ABCA7: variants seen among roughly 807,000 people sequenced by gnomAD.
The protein encoded by ABCA7 is phospholipid-transporting ATPase ABCA7.
Under a neutral mutation model 227.6 loss-of-function variants are expected in ABCA7, and 261 were observed. The observed-to-expected ratio is 1.15, with a 90% CI of 1.04 to 1.27. ABCA7 has a LOEUF of 1.27. ABCA7 is among the 50% of genes most tolerant of loss of function. The pLI, the probability that ABCA7 is intolerant of heterozygous loss-of-function variation, is 0.00. For synonymous variants in ABCA7, 1,488 were observed against 1,279.7 expected, an observed-to-expected ratio of 1.16 and a Z score of -3.47; for missense variants, 3,331 against 2,924.5, an observed-to-expected ratio of 1.14 and a Z score of -3.21.
At chr19:1,064,742 A>C in intron 45 of ABCA7, 189 bp from the exon 46 acceptor site, 1 of 909,166 alleles carries the variant, frequency 1.1e-6, no homozygotes, top group Non-Finnish European at 1.5e-6. Flanking sequence ...TTAGCTGGAC[A>C]TGGTGGTGTG....
intron 18 of ABCA7, among the ~76,000 whole-genome samples, chr19:1,049,991 C>CCCTCCCTGTGAGCCCCCCACCACTT (rs1344245985): frequency 6.2e-4 from 82 of 133,120 alleles, no homozygotes; most frequent in African/African-American, 1.8e-3. Context: ...CCAAACCACT[C>CCCTCCCTGTGAGCCCCCCACCACTT]CCTCCCTGTG....
At chr19:1,053,601 G>A (rs1169812324) in intron 24 of ABCA7, 70 bp downstream of exon 24, 2 of 1,530,830 alleles carry the variant, frequency 1.3e-6, no homozygotes, top group Non-Finnish European at 1.8e-6. Context: ...TGTTTTGAAG[G>A]ATGAATAGCG....
Position 1,041,434 on chromosome 19 carries a change from C to T in ABCA7, c.66+7C>T, listed in dbSNP as rs1273646677. On this transcript the variant is annotated splice_region_variant and intron_variant, in intron 2 of 46. Coordinates refer to ENST00000263094, the MANE Select transcript of ABCA7 (RefSeq NM_019112.4). ...GTATCGCCGGAGACAGCCGGTAACGCCCCAGTGTGAGACCAGGGCCGGGTG... is the reference window on the plus strand; with the variant it reads ...GTATCGCCGGAGACAGCCGGTAACGTCCCAGTGTGAGACCAGGGCCGGGTG... 4 of 1,614,022 alleles carry T rather than the reference C, an allele frequency of 2.5e-6. No homozygotes were observed. In the African/African-American group the frequency reaches 4.0e-5, roughly 16 times the overall value.
rs1228830475 is a variant in ABCA7, at chr19:1,057,384, C to T, written c.4835C>T (p.Ala1612Val). The change falls in exon 35 of 47, where the codon GCC (alanine) becomes GTC (valine). Residue 1612 changes from alanine (A) to valine (V), a missense_variant. Physicochemically the swap from Ala to Val is moderately conservative, Grantham distance 64. Coordinates refer to ENST00000263094, the MANE Select transcript of ABCA7 (RefSeq NM_019112.4). ...FLAFQQRAYV[A>V]PANLPALLLL... ...GCCTTCCAGCAGAGGGCATATGTGG[C>T]CCCTGCCAACCTGCCTGCTCTCCTG... 6.2e-7 allele frequency: 1 copy of T among 1,613,822 alleles called. No homozygotes were observed. Among genetic ancestry groups the T allele is most frequent in the Non-Finnish European group, 8.5e-7 (1 of 1,180,032 alleles).
At position 1,043,265 on chromosome 19, in the gene ABCA7, C is replaced by T; in HGVS notation, c.790+14C>T. 1.9e-6 allele frequency: 3 copies of T among 1,608,624 alleles called. No homozygotes were observed. Among genetic ancestry groups the T allele is most frequent in the Non-Finnish European group, 2.6e-6 (3 of 1,176,428 alleles). On this transcript the variant is annotated intron_variant, in intron 8 of 46. Transcript: ENST00000263094. ...ACAGCAGCCTGAGTGAGTGACTGACCTCGGTTTCCCCTCTTGGGAAGTGGA... is the reference window on the plus strand; with the variant it reads ...ACAGCAGCCTGAGTGAGTGACTGACTTCGGTTTCCCCTCTTGGGAAGTGGA...
intron 40 of ABCA7, 121 bp downstream of exon 40, chr19:1,059,206 T>C (rs2042487976): frequency 1.2e-6 from 1 of 828,112 alleles, no homozygotes; most frequent in Non-Finnish European, 1.7e-6. Context: ...GGGCACCTAC[T>C]GTATGCCAAT....
intron 20 of ABCA7, 49 bp downstream of exon 20, chr19:1,051,343 T>A (rs1469498418): frequency 2.0e-6 from 3 of 1,490,482 alleles, no homozygotes; most frequent in African/African-American, 2.9e-5. Flanking sequence ...GGCCTGGGGA[T>A]TCATCCTGAA....
chr19:1,050,317 C>T (rs2041439355), intron 18 of ABCA7, among the ~76,000 whole-genome samples: 1 of 151,894 alleles, frequency 6.6e-6, no homozygotes, highest in Non-Finnish European at 1.5e-5. Flanking sequence ...GAGGCTGAGG[C>T]AGGAGAACTG....
rs779016991 is a variant in ABCA7 at position 1,045,001 on chromosome 19, G to T, written c.1216-1G>T. 2 of 1,612,458 alleles carry T rather than the reference G, an allele frequency of 1.2e-6. No homozygotes were observed. The highest frequency in any genetic ancestry group is 1.1e-5 in the South Asian group (1 of 91,070). On this transcript the variant is annotated splice_acceptor_variant, in intron 11 of 46. Transcript: ENST00000263094. LOFTEE classifies it high-confidence loss of function. ...CTAGGACTCACCCCCGCATCCCACA[G>T]TGCCTGTCCTTGGACAAGCTGGAGG... is the stretch of plus-strand genomic sequence containing the variant.
intron 23 of ABCA7, 53 bp downstream of exon 23, chr19:1,052,339 C>T: frequency 2.0e-6 from 2 of 1,017,988 alleles, no homozygotes; most frequent in Non-Finnish European, 1.3e-6. Context: ...GTGGCTGTGC[C>T]TTAACTTGAG....
At position 1,043,802 on chromosome 19, in the gene ABCA7, C is replaced by CA. The variant is rs551118463; in HGVS notation, c.1009dup (p.Thr337AsnfsTer21). On this transcript the variant is annotated frameshift_variant, in exon 10 of 47. Coordinates refer to ENST00000263094, the MANE Select transcript of ABCA7 (RefSeq NM_019112.4). LOFTEE classifies it high-confidence loss of function. The stretch of plus-strand genomic sequence containing the variant: ...GGGAGATGCTGGGACCCCGGATCTT[C>CA]ACCTTCATGAACGACAGTTCCAATG... The CA allele has an allele frequency of 1.2e-5, 20 of 1,613,242 alleles. No homozygotes were observed. In the African/African-American group the frequency reaches 2.3e-4, roughly 18 times the overall value.
At position 1,063,829 on chromosome 19, in the gene ABCA7, CG is replaced by C. The variant is rs1469216561; in HGVS notation, c.5920del (p.Glu1974ArgfsTer5). 2 of 1,542,430 alleles carry C rather than the reference CG, an allele frequency of 1.3e-6. No individual in the cohort carries two copies. Among genetic ancestry groups the C allele is most frequent in the Non-Finnish European group, 1.7e-6 (2 of 1,144,708 alleles). The stretch of plus-strand genomic sequence containing the variant: ...TTGGAACAGCCTTTTGGCCGTGGTG[CG>C]GGAGGGCCGTTCAGTGATGCTCACC... Reference protein sequence around the residue: ...FLWNSLLAVVREGRSVMLTSH... With the variant: ...FLWNSLLAVVXEGRSVMLTSH... On this transcript the variant is annotated frameshift_variant, in exon 44 of 47. Transcript: ENST00000263094. LOFTEE classifies it high-confidence loss of function.
At position 1,043,843 on chromosome 19, in the gene ABCA7, T is replaced by C. The variant is rs2040309147; in HGVS notation, c.1047+2T>C. On this transcript the variant is annotated splice_donor_variant, in intron 10 of 46. Coordinates refer to ENST00000263094, the MANE Select transcript of ABCA7 (RefSeq NM_019112.4). LOFTEE classifies it high-confidence loss of function. ...AGTTCCAATGTGGCCATGCTGCAGGTGTGCGGGGGTGCTGGGGAGGTGGGA... is the reference window on the plus strand; with the variant it reads ...AGTTCCAATGTGGCCATGCTGCAGGCGTGCGGGGGTGCTGGGGAGGTGGGA... The C allele has an allele frequency of 1.9e-6, 3 of 1,607,578 alleles. No individual in the cohort carries two copies. Among genetic ancestry groups the C allele is most frequent in the South Asian group, 2.2e-5 (2 of 90,974 alleles).
At position 1,054,241 on chromosome 19, in the gene ABCA7, G is replaced by A. The variant is rs1239492498; in HGVS notation, c.3626G>A (p.Gly1209Asp). The A allele has an allele frequency of 6.2e-7, 1 of 1,608,272 alleles. No individual in the cohort carries two copies. The highest frequency in any genetic ancestry group is 1.3e-5 in the African/African-American group (1 of 74,802). ...TDQGSGPDAV[G>D]RVQGWALTRQ... ...CAGGGCTCTGGGCCAGACGCCGTGG[G>A]CCGGGTACAGGGCTGGGCACTGACC... The change falls in exon 27 of 47, where the codon GGC (glycine) becomes GAC (aspartate). Residue 1209 changes from glycine (G) to aspartate (D), a missense_variant. Gly to Asp is a moderately conservative substitution (Grantham distance 94). Coordinates refer to ENST00000263094, the MANE Select transcript of ABCA7 (RefSeq NM_019112.4). The surrounding 1 kb of genome is among the most constrained non-coding windows in gnomAD (Gnocchi z 4.8).
intron 10 of ABCA7, among the ~76,000 whole-genome samples, 155 bp from the exon 11 acceptor site, chr19:1,044,422 A>G (rs1045808607): frequency 1.3e-5 from 2 of 149,378 alleles, no homozygotes; most frequent in African/African-American, 2.5e-5. Flanking sequence ...TACTTTTTGT[A>G]TTTTTAGTAG....
Position 1,056,471 on chromosome 19 carries a change from A to G in ABCA7, c.4558A>G (p.Thr1520Ala). 6.2e-7 allele frequency: 1 copy of G among 1,613,284 alleles called. No homozygotes were observed. Among genetic ancestry groups the G allele is most frequent in the Non-Finnish European group, 8.5e-7 (1 of 1,179,920 alleles). ...CACACTCAACCACCCCTTGAACCTC[A>G]CCAAGGAGCAGCTGTCTGAGGGTGC... is the stretch of plus-strand genomic sequence containing the variant. ...ITTLNHPLNL[T>A]KEQLSEGALM... The change falls in exon 33 of 47, where the codon ACC (threonine) becomes GCC (alanine). Residue 1520 changes from threonine (T) to alanine (A), a missense_variant. Transcript: ENST00000263094. The surrounding 1 kb of genome is among the most constrained non-coding windows in gnomAD (Gnocchi z 4.3).
At chr19:1,062,666 G>A (rs1000815369) in intron 42 of ABCA7, among the ~76,000 whole-genome samples, 1 of 151,784 alleles carries the variant, frequency 6.6e-6, no homozygotes, top group Non-Finnish European at 1.5e-5. Flanking sequence ...CTGGGGTCAC[G>A]GTCACATTCT....
intron 13 of ABCA7, 53 bp from the exon 14 acceptor site, chr19:1,046,749 A>AG (rs142547735): frequency 0.093 from 137,337 of 1,482,202 alleles, 8,356 homozygotes; most frequent in East Asian, 0.36. Flanking sequence ...TGGTGGGCGG[A>AG]GGGGGGGTCT....
In ABCA7 at chr19:1,055,215, C is replaced by T. The variant is rs752685007; in HGVS notation, c.4069C>T (p.Pro1357Ser). 1.3e-5 allele frequency: 21 copies of T among 1,608,312 alleles called. No homozygotes were observed. The highest frequency in any genetic ancestry group is 1.7e-5 in the Admixed American group (1 of 59,418). The change falls in exon 30 of 47, where the codon CCC (proline) becomes TCC (serine). Residue 1357 changes from proline (P) to serine (S), a missense_variant. Physicochemically the swap from Pro to Ser is moderately conservative, Grantham distance 74. Transcript: ENST00000263094. Reference sequence around the variant, plus strand: ...CCGGCCCGGTGCCCGGCGCCTGCTGCCCGACTGCCCGGCTGCAGCTGGTGG... The same window carrying T: ...CCGGCCCGGTGCCCGGCGCCTGCTGTCCGACTGCCCGGCTGCAGCTGGTGG... ...CSRPGARRLL[P>S]DCPAAAGGPP... is the part of the protein sequence containing the mutation.
Sources: allele counts gnomAD v4.1 joint callset (sites outside exome capture counted in the v4.1 genomes callset), GRCh38; gene constraint gnomAD v4.1.1; non-coding constraint Gnocchi (gnomAD v3.1); transcripts MANE v1.5; gene names NCBI Gene and HGNC (gene_info 2026-07-23, HGNC 2026-07-21).